AGBL1: variants seen among roughly 807,000 people sequenced by gnomAD.
AGBL1 encodes AGBL carboxypeptidase 1, also known as cytosolic carboxypeptidase 4.
In AGBL1, 130 loss-of-function variants were observed where a neutral mutation model predicts 118.9. The ratio of observed to expected loss-of-function variants is 1.09; its 90% CI spans 0.95 to 1.26. The LOEUF (loss-of-function observed/expected upper bound fraction) is 1.26, where lower values mean the gene tolerates loss of function less well. AGBL1 is among the 50% of genes most tolerant of loss of function. The pLI is 0.00. For missense variants in AGBL1, 1,584 were observed against 1,298.1 expected (o/e 1.22, Z -3.38); for synonymous variants, 555 against 478.9 (o/e 1.16, Z -2.08).
intron 22 of AGBL1, among the ~76,000 whole-genome samples, chr15:86,847,861 C>T (rs973100669): frequency 1.3e-5 from 2 of 152,182 alleles, no homozygotes; most frequent in Non-Finnish European, 2.9e-5. Flanking sequence ...ACCGAGGCCC[C>T]TTCCAGCTGT....
At chr15:86,428,166 C>G (rs2081890250) in intron 18 of AGBL1, among the ~76,000 whole-genome samples, 1 of 152,104 alleles carries the variant, frequency 6.6e-6, no homozygotes, top group Admixed American at 6.6e-5. Flanking sequence ...AAAAACCAAG[C>G]CAACATGAAG....
intron 23 of AGBL1, among the ~76,000 whole-genome samples, chr15:86,960,123 T>A (rs926116974): frequency 2.0e-5 from 3 of 152,136 alleles, no homozygotes; most frequent in Admixed American, 6.6e-5. Flanking sequence ...GTAACAAAAA[T>A]GCAGGGTACT....
intron 17 of AGBL1, among the ~76,000 whole-genome samples, chr15:86,388,223 A>C (rs2141975247): frequency 6.6e-6 from 1 of 152,278 alleles, no homozygotes; most frequent in African/African-American, 2.4e-5. Flanking sequence ...ATTAGCCGTG[A>C]TTACCTGCAC....
At position 86,468,308 on chromosome 15, in the gene AGBL1, G is replaced by A. The variant is rs528886999; in HGVS notation, c.2556-54502G>A. Reference sequence around the variant, plus strand: ...CTTTGCAAGGTCTGTCTTTGAGAACGGAAATCTAGAAACCCTGTCCATCGC... The same window carrying A: ...CTTTGCAAGGTCTGTCTTTGAGAACAGAAATCTAGAAACCCTGTCCATCGC... On this transcript the variant is annotated intron_variant, in intron 18 of 22. Transcript: ENST00000614907. Among the ~76,000 whole-genome samples the A allele has an allele frequency of 1.8e-3, 271 of 152,250 alleles. 7 individuals are homozygous for A. The highest frequency in any genetic ancestry group is 2.1e-3 in the Non-Finnish European group (145 of 68,024).
intron 18 of AGBL1, among the ~76,000 whole-genome samples, chr15:86,442,320 G>A (rs2082073880): frequency 6.6e-6 from 1 of 152,300 alleles, no homozygotes; most frequent in African/African-American, 2.4e-5. Context: ...CTGAGCCTCT[G>A]AATCAGACAG....
intron 17 of AGBL1, among the ~76,000 whole-genome samples, chr15:86,299,118 G>A (rs922990117): frequency 3.3e-5 from 5 of 152,144 alleles, no homozygotes; most frequent in Admixed American, 3.3e-4. Flanking sequence ...ACTATTTGGA[G>A]AACTGAGGAC....
chr15:86,672,750 C>T (rs2085769200), intron 21 of AGBL1, among the ~76,000 whole-genome samples: 1 of 151,368 alleles, frequency 6.6e-6, no homozygotes, highest in Admixed American at 6.6e-5. Flanking sequence ...AAGAAAAAAA[C>T]AACTTGTTCA....
At chr15:86,795,727 G>A (rs1272645463) in intron 22 of AGBL1, among the ~76,000 whole-genome samples, 2 of 151,362 alleles carry the variant, frequency 1.3e-5, no homozygotes, top group Non-Finnish European at 2.9e-5. Context: ...TGGGAATACA[G>A]GTGCTCGCCA....
At chr15:86,170,650 C>A (rs1487818016) in intron 5 of AGBL1, among the ~76,000 whole-genome samples, 2 of 151,758 alleles carry the variant, frequency 1.3e-5, no homozygotes, top group Admixed American at 6.6e-5. Context: ...TTCGAGACCA[C>A]CCTGGGCAAC....
intron 22 of AGBL1, among the ~76,000 whole-genome samples, chr15:86,778,569 C>T (rs1239981113): frequency 6.6e-6 from 1 of 152,178 alleles, no homozygotes; most frequent in East Asian, 1.9e-4. Flanking sequence ...ATATTTCTCC[C>T]ATTTGCTTTT....
chr15:86,212,913 G>T (rs1005734232), intron 5 of AGBL1, among the ~76,000 whole-genome samples: 6 of 152,212 alleles, frequency 3.9e-5, no homozygotes, highest in Non-Finnish European at 7.3e-5. Flanking sequence ...GCCTCCCAAA[G>T]TGCTGGGATT....
intron 17 of AGBL1, among the ~76,000 whole-genome samples, chr15:86,301,577 G>A (rs1333209388): frequency 6.6e-6 from 1 of 151,628 alleles, no homozygotes; most frequent in Non-Finnish European, 1.5e-5. Context: ...CTGGGCTGAA[G>A]ATATTAGGAA....
chr15:86,931,073 G>A (rs1170122314), intron 23 of AGBL1, among the ~76,000 whole-genome samples: 5 of 152,056 alleles, frequency 3.3e-5, no homozygotes, highest in Non-Finnish European at 7.4e-5. Flanking sequence ...TTTCTTCCTC[G>A]GAGGCCTGGA....
intron 5 of AGBL1, among the ~76,000 whole-genome samples, chr15:86,201,536 G>T (rs528139830): frequency 1.3e-5 from 2 of 152,226 alleles, no homozygotes; most frequent in South Asian, 4.2e-4. Context: ...TGACTCAATG[G>T]GTTGACAGAT....
chr15:86,112,153 C>T (rs999160268), intron 1 of AGBL1, among the ~76,000 whole-genome samples: 3 of 151,776 alleles, frequency 2.0e-5, no homozygotes, highest in African/African-American at 7.3e-5. Flanking sequence ...AAATAAAGTA[C>T]ACAATAAATG....
intron 9 of AGBL1, among the ~76,000 whole-genome samples, chr15:86,259,524 T>C (rs2078949591): frequency 6.6e-6 from 1 of 152,210 alleles, no homozygotes; most frequent in Admixed American, 6.5e-5. Flanking sequence ...AAAGAGGCTT[T>C]TGAGTTCTCT....
chr15:86,620,960 C>G (rs1596314481), intron 21 of AGBL1, among the ~76,000 whole-genome samples: 2 of 152,100 alleles, frequency 1.3e-5, no homozygotes, highest in Admixed American at 6.5e-5. Flanking sequence ...TTAAATCTCT[C>G]TATTATTTTC....
chr15:86,638,097 G>T (rs191137200), intron 21 of AGBL1, among the ~76,000 whole-genome samples: 1 of 151,946 alleles, frequency 6.6e-6, no homozygotes, highest in African/African-American at 2.4e-5. Context: ...CTTTCAACTT[G>T]GCACAGGCTA....
chr15:86,227,689 A>G (rs1176233506), intron 6 of AGBL1, among the ~76,000 whole-genome samples: 1 of 152,246 alleles, frequency 6.6e-6, no homozygotes, highest in Non-Finnish European at 1.5e-5. Flanking sequence ...CTTCCAAAAT[A>G]CCTTTATTGA....
Sources: gnomAD v4.1 joint callset for allele counts (sites outside exome capture counted in the v4.1 genomes callset) on GRCh38, gnomAD v4.1.1 for gene constraint, MANE v1.5 for transcripts, NCBI Gene and HGNC (gene_info 2026-07-23, HGNC 2026-07-21) for gene names.